The following CASP10 variants were observed in gnomAD, a reference collection of about 807,000 sequenced individuals.
The protein encoded by CASP10 is caspase 10.
CASP10 carries 41 observed loss-of-function variants against 48.5 expected under a neutral mutation model. That is an observed-to-expected ratio of 0.85 (90% CI 0.66 to 1.10). CASP10 has a LOEUF of 1.10. CASP10 is among the 50% of genes least tolerant of loss of function. The pLI is 0.00. For missense variants in CASP10, 614 were observed against 614.5 expected, an observed-to-expected ratio of 1.00 and a Z score of 0.01; for synonymous variants, 232 against 238.4, an observed-to-expected ratio of 0.97 and a Z score of 0.25.
At chr2:201,195,219 G>A (rs1408347535) in intron 4 of CASP10, among the ~76,000 whole-genome samples, 3 of 152,116 alleles carry the variant, frequency 2.0e-5, no homozygotes, top group African/African-American at 7.2e-5. Context: ...AGCCTCCTGA[G>A]TAGCTGGGAT....
In CASP10 at chr2:201,220,225, C is replaced by T. The variant is rs1433234549; in HGVS notation, c.*2484C>T. On this transcript the variant is annotated 3_prime_UTR_variant, in exon 10 of 10. Transcript: ENST00000286186. ...GCCACTTTAAGTTCCAGTTCCCTTT[C>T]TAGCCTCATGCATTTCAAGGAAATC... 4.9e-6 allele frequency: 4 copies of T among 813,198 alleles called. No homozygotes were observed. Among genetic ancestry groups the T allele is most frequent in the South Asian group, 5.6e-5 (1 of 17,808 alleles). 50.4% of individuals were successfully genotyped at this position (813,198 alleles called of 1,614,324 possible).
At chr2:201,186,412 T>C in intron 2 of CASP10, 1 of 420,900 alleles carries the variant, frequency 2.4e-6, no homozygotes, top group East Asian at 5.0e-5. Flanking sequence ...GTGTTTTCCC[T>C]GCTTACCAGC....
At chr2:201,192,936 T>G in intron 3 of CASP10, 48 bp from the exon 4 acceptor site, 1 of 1,597,518 alleles carries the variant, frequency 6.3e-7, no homozygotes, top group Non-Finnish European at 8.6e-7. Flanking sequence ...TTTGAGTGAG[T>G]GGATAATCAA....
At chr2:201,184,070 A>T (rs2126001846) in intron 1 of CASP10, among the ~76,000 whole-genome samples, 1 of 152,004 alleles carries the variant, frequency 6.6e-6, no homozygotes, top group Non-Finnish European at 1.5e-5. Flanking sequence ...TAATTTTTGT[A>T]TTTTTTGTAG....
chr2:201,191,731 G>T (rs1944617855), intron 3 of CASP10, among the ~76,000 whole-genome samples: 1 of 152,176 alleles, frequency 6.6e-6, no homozygotes, highest in Non-Finnish European at 1.5e-5. Context: ...GGGGCATTCT[G>T]GGCTTTGTCT....
intron 5 of CASP10, 52 bp from the exon 6 acceptor site, chr2:201,203,678 T>A (rs1195965805): frequency 1.3e-6 from 2 of 1,529,202 alleles, no homozygotes; most frequent in Middle Eastern, 1.7e-4. Flanking sequence ...TTGTTCCTCA[T>A]CCTAACTGTG....
chr2:201,219,911 T>A lies in CASP10; in HGVS notation c.*2170T>A. ...TTTACTGGATTTGACTTCAGCCAGGTGAACTGGAATGCCTTGGGGCGTGGA... is the reference window on the plus strand; with the variant it reads ...TTTACTGGATTTGACTTCAGCCAGGAGAACTGGAATGCCTTGGGGCGTGGA... On this transcript the variant is annotated 3_prime_UTR_variant, in exon 10 of 10. Coordinates refer to ENST00000286186, the MANE Select transcript of CASP10 (RefSeq NM_032977.4). The A allele has an allele frequency of 1.0e-6, 1 of 985,378 alleles. No homozygotes were observed. The highest frequency in any genetic ancestry group is 1.2e-6 in the Non-Finnish European group (1 of 829,924). 61.0% of individuals were successfully genotyped at this position (985,378 alleles called of 1,614,324 possible).
rs550586227 is a variant in CASP10, at chr2:201,193,424, T to G, written c.577+305T>G. 9 of 348,858 alleles carry G rather than the reference T, an allele frequency of 2.6e-5. No individual in the cohort carries two copies. The Admixed American group carries it at 3.2e-4, about 12-fold the overall frequency. 21.6% of individuals were successfully genotyped at this position (348,858 alleles called of 1,614,324 possible). On this transcript the variant is annotated intron_variant, in intron 4 of 9. Transcript: ENST00000286186. Reference sequence around the variant, plus strand: ...GGTTTCACTATGTTGGCCAGGCTGGTCTCGAACTCCTGACCTCAAGTGATC... The same window carrying G: ...GGTTTCACTATGTTGGCCAGGCTGGGCTCGAACTCCTGACCTCAAGTGATC...
chr2:201,217,442 C>G (rs1236520711), intron 9 of CASP10, 146 bp from the exon 10 acceptor site: 1 of 611,066 alleles, frequency 1.6e-6, no homozygotes, highest in Non-Finnish European at 3.0e-6. Context: ...ACCTGTAATC[C>G]CAGCTACTCG....
chr2:201,217,672 G>T lies in CASP10; in HGVS notation c.1500G>T (p.Met500Ile), dbSNP rs1407095052. Residue 500 changes from methionine to isoleucine, a missense_variant, in exon 10 of 10, where the codon ATG becomes ATT. Transcript: ENST00000286186. The part of the protein sequence containing the change: ...RVDKQGTKKQ[M>I]PQPAFTLRKK... ...ACAAACAGGGAACAAAGAAACAGATGCCCCAGCCTGCTTTCACACTAAGGA... is the reference window on the plus strand; with the variant it reads ...ACAAACAGGGAACAAAGAAACAGATTCCCCAGCCTGCTTTCACACTAAGGA... 6 of 1,614,128 alleles carry T rather than the reference G, an allele frequency of 3.7e-6. No homozygotes were observed. The South Asian group carries it at 6.6e-5, about 18-fold the overall frequency.
chr2:201,185,729 C>A, intron 1 of CASP10, 42 bp from the exon 2 acceptor site: 1 of 1,328,384 alleles, frequency 7.5e-7, no homozygotes, highest in Non-Finnish European at 1.1e-6. Flanking sequence ...GCCATATGTC[C>A]TCACTCTCTA....
At chr2:201,229,275 T>A in exon 10 of CASP10, 1 of 643,104 alleles carries the variant, frequency 1.6e-6, no homozygotes, top group Non-Finnish European at 2.7e-6. Context: ...CTTTCTTGTT[T>A]CATCGTAAAC....
chr2:201,196,168 A>AGCTAGTTAGTTTGAGTTCTC (rs1273758585), intron 5 of CASP10, among the ~76,000 whole-genome samples: 1 of 152,186 alleles, frequency 6.6e-6, no homozygotes, highest in Non-Finnish European at 1.5e-5. Context: ...GACTAGTGAG[A>AGCTAGTTAGTTTGAGTTCTC]GCTAGTTAGT....
In CASP10 at chr2:201,218,222, G is replaced by T. The variant is rs1022865380; in HGVS notation, c.*481G>T. On this transcript the variant is annotated 3_prime_UTR_variant, in exon 10 of 10. Transcript: ENST00000286186. ...AGGCACGAGCCACCACACCTGGCCAGAAAACTTTCATTATTGAAGACTTGG... is the reference window on the plus strand; with the variant it reads ...AGGCACGAGCCACCACACCTGGCCATAAAACTTTCATTATTGAAGACTTGG... 43 of 1,011,118 alleles carry T rather than the reference G, an allele frequency of 4.3e-5. No individual in the cohort carries two copies. Among genetic ancestry groups the T allele is most frequent in the Admixed American group, 2.7e-4 (5 of 18,730 alleles). 62.6% of individuals were successfully genotyped at this position (1,011,118 alleles called of 1,614,324 possible). A position where few individuals can be genotyped will look rare whatever the true frequency, so the allele number is the denominator to read the frequency against.
intron 2 of CASP10, among the ~76,000 whole-genome samples, chr2:201,186,968 G>A (rs1390574523): frequency 1.3e-5 from 2 of 152,208 alleles, no homozygotes; most frequent in Non-Finnish European, 2.9e-5. Context: ...GATTATAGGT[G>A]TGAGCCACTG....
chr2:201,206,173 A>G (rs888918170), intron 7 of CASP10, 200 bp downstream of exon 7: 2 of 495,382 alleles, frequency 4.0e-6, no homozygotes, highest in Non-Finnish European at 7.3e-6. Flanking sequence ...TGTATCAATC[A>G]GAAGTGACTG....
intron 9 of CASP10, among the ~76,000 whole-genome samples, chr2:201,209,805 A>C (rs7576306): frequency 6.6e-6 from 1 of 151,738 alleles, no homozygotes; most frequent in Admixed American, 6.6e-5. Context: ...CCATCCATCC[A>C]GCAACCTTGT....
intron 5 of CASP10, among the ~76,000 whole-genome samples, chr2:201,197,380 C>T (rs1424006785): frequency 6.6e-6 from 1 of 152,108 alleles, no homozygotes; most frequent in African/African-American, 2.4e-5. Flanking sequence ...TTTGAGAGGC[C>T]AAGGCAGGCG....
chr2:201,187,400 G>A (rs143393783), intron 2 of CASP10, among the ~76,000 whole-genome samples: 1 of 152,054 alleles, frequency 6.6e-6, no homozygotes, highest in African/African-American at 2.4e-5. Context: ...CAGGAGATGG[G>A]AAGGCATGTC....
Sources: allele counts gnomAD v4.1 joint callset (sites outside exome capture counted in the v4.1 genomes callset), GRCh38; gene constraint gnomAD v4.1.1; transcripts MANE v1.5; gene names NCBI Gene and HGNC (gene_info 2026-07-23, HGNC 2026-07-21).